The following HPSE2 variants were observed in gnomAD, a reference collection of about 807,000 sequenced individuals.
The protein encoded by HPSE2 is heparanase 2 (inactive), also known as inactive heparanase-2.
A neutral mutation model predicts 60.5 loss-of-function variants in HPSE2; 38 were observed. That is an observed-to-expected ratio of 0.63 (90% confidence interval 0.48 to 0.82). The LOEUF (loss-of-function observed/expected upper bound fraction) is 0.82. Among genes scored for constraint, HPSE2 ranks in the 40% least tolerant of loss-of-function variants. HPSE2 has a pLI of 0.00. For missense variants in HPSE2, 713 were observed against 740.4 expected (o/e 0.96, Z 0.43); for synonymous variants, 295 against 293.2 (o/e 1.01, Z -0.06).
At chr10:99,273,062 A>C in the HPSE2 span, among the ~76,000 whole-genome samples, 1 of 152,250 alleles carries the variant, frequency 6.6e-6, no homozygotes, top group Non-Finnish European at 1.5e-5. Context: ...TGTGGTATAT[A>C]TCTACCATGG....
intron 2 of HPSE2, among the ~76,000 whole-genome samples, chr10:99,173,671 C>T (rs1227519729): frequency 7.9e-5 from 12 of 152,088 alleles, no homozygotes; most frequent in South Asian, 2.1e-4. Flanking sequence ...AGGCCAGGCG[C>T]GGTGGCTCAA....
At chr10:99,052,121 T>C (rs1958005420) in intron 3 of HPSE2, among the ~76,000 whole-genome samples, 1 of 151,754 alleles carries the variant, frequency 6.6e-6, no homozygotes, top group African/African-American at 2.4e-5. Context: ...ACACAGACGT[T>C]ACAAATACAG....
At chr10:99,312,155 T>G in the HPSE2 span, among the ~76,000 whole-genome samples, 1 of 152,188 alleles carries the variant, frequency 6.6e-6, no homozygotes, top group East Asian at 1.9e-4. Flanking sequence ...GATGAAGCAG[T>G]AAGTGCTGGA....
At chr10:99,208,635 T>C (rs762302945) in intron 2 of HPSE2, among the ~76,000 whole-genome samples, 35 of 150,778 alleles carry the variant, frequency 2.3e-4, no homozygotes, top group African/African-American at 7.5e-4. Context: ...CAGTCAGCCA[T>C]GATTACACCA....
chr10:99,235,501 C>T lies in HPSE2; in HGVS notation c.290+12G>A, dbSNP rs765282089. On this transcript the variant is annotated intron_variant, in intron 1 of 11. Coordinates refer to ENST00000370552, the MANE Select transcript of HPSE2 (RefSeq NM_021828.5). ...AAAAATTTTAAATGATCCATCGAAA[C>T]CCCTGCCTTACCTTAGGAAATCGAG... 1.5e-5 allele frequency: 25 copies of T among 1,613,802 alleles called. No individual in the cohort carries two copies. The South Asian group carries it at 2.4e-4, about 16-fold the overall frequency.
chr10:98,978,232 G>A (rs1386187567), intron 3 of HPSE2, among the ~76,000 whole-genome samples: 1 of 151,988 alleles, frequency 6.6e-6, no homozygotes, highest in Admixed American at 6.6e-5. Flanking sequence ...GGGCATAGGA[G>A]ATAAATTTTT....
intron 3 of HPSE2, among the ~76,000 whole-genome samples, chr10:98,814,683 G>C (rs1477803381): frequency 1.3e-5 from 2 of 152,144 alleles, no homozygotes; most frequent in African/African-American, 4.8e-5. Flanking sequence ...TGTTATTTGG[G>C]CAACTTCAAG....
chr10:98,590,086 T>C (rs967324102), intron 9 of HPSE2, among the ~76,000 whole-genome samples: 2 of 145,156 alleles, frequency 1.4e-5, no homozygotes, highest in Non-Finnish European at 2.9e-5. Context: ...AACAGAAAAG[T>C]AAGAGAGTAA....
intron 3 of HPSE2, among the ~76,000 whole-genome samples, chr10:99,040,785 T>C (rs556087041): frequency 6.6e-6 from 1 of 152,286 alleles, no homozygotes; most frequent in African/African-American, 2.4e-5. Flanking sequence ...TAAATTTACA[T>C]TCTTAAAATT....
chr10:98,944,800 T>C (rs1955130851), intron 3 of HPSE2, among the ~76,000 whole-genome samples: 1 of 152,140 alleles, frequency 6.6e-6, no homozygotes, highest in Admixed American at 6.5e-5. Context: ...GCTTCCAGTT[T>C]CTCCATCCTT....
intron 4 of HPSE2, among the ~76,000 whole-genome samples, chr10:98,728,951 G>C (rs1949159052): frequency 6.6e-6 from 1 of 152,162 alleles, no homozygotes; most frequent in African/African-American, 2.4e-5. Context: ...TGAGGCTACA[G>C]TTGGCTGTAG....
intron 6 of HPSE2, among the ~76,000 whole-genome samples, chr10:98,690,010 G>T (rs1423197579): frequency 6.6e-6 from 1 of 152,140 alleles, no homozygotes; most frequent in Non-Finnish European, 1.5e-5. Context: ...ACTTCCAGCT[G>T]TTTCTTTTCA....
Position 98,705,761 on chromosome 10 carries a change from G to T in HPSE2, c.957-11814C>A, listed in dbSNP as rs188467760. On this transcript the variant is annotated intron_variant, in intron 5 of 11. Coordinates refer to ENST00000370552, the MANE Select transcript of HPSE2 (RefSeq NM_021828.5). ...CACACACTGGGTCCAGTCGCGGGGTGGGGGAGCGAGGAGAGGGAGAGCATT... is the reference window on the plus strand; with the variant it reads ...CACACACTGGGTCCAGTCGCGGGGTTGGGGAGCGAGGAGAGGGAGAGCATT... Among the ~76,000 whole-genome samples the T allele has an allele frequency of 2.1e-3, 321 of 152,154 alleles. 1 individual carries two copies. Among genetic ancestry groups the T allele is most frequent in the Middle Eastern group, 0.014 (4 of 294 alleles).
At chr10:98,730,793 A>G (rs1653794800) in intron 4 of HPSE2, among the ~76,000 whole-genome samples, 1 of 152,254 alleles carries the variant, frequency 6.6e-6, no homozygotes, top group South Asian at 2.1e-4. Context: ...ACATAACAAC[A>G]ACGAAAACCC....
intron 3 of HPSE2, among the ~76,000 whole-genome samples, chr10:99,067,769 TC>T (rs1842661735): frequency 6.6e-6 from 1 of 152,230 alleles, no homozygotes; most frequent in Admixed American, 6.5e-5. Context: ...GGAGACATTT[TC>T]CCCATTGTCT....
At chr10:98,663,398 A>G (rs1325403312) in intron 6 of HPSE2, among the ~76,000 whole-genome samples, 1 of 152,212 alleles carries the variant, frequency 6.6e-6, no homozygotes, top group African/African-American at 2.4e-5. Flanking sequence ...TAAGAAAAAA[A>G]ATAGGGCTAG....
intron 9 of HPSE2, among the ~76,000 whole-genome samples, chr10:98,567,597 G>C (rs1944382173): frequency 6.6e-6 from 1 of 152,190 alleles, no homozygotes; most frequent in South Asian, 2.1e-4. Flanking sequence ...GATGGGAAAA[G>C]AGTCTGAAAT....
intron 3 of HPSE2, among the ~76,000 whole-genome samples, chr10:98,822,335 T>G (rs192154087): frequency 6.6e-6 from 1 of 152,270 alleles, no homozygotes; most frequent in Admixed American, 6.5e-5. Context: ...TAGTTAAAAT[T>G]TGTAAGATAT....
At chr10:98,620,935 A>C (rs71486171) in intron 7 of HPSE2, among the ~76,000 whole-genome samples, 1 of 152,172 alleles carries the variant, frequency 6.6e-6, no homozygotes, top group Non-Finnish European at 1.5e-5. Context: ...ATTTTTCCCT[A>C]AGTAAACCCA....
Sources: gnomAD v4.1 joint callset for allele counts (sites outside exome capture counted in the v4.1 genomes callset) on GRCh38, gnomAD v4.1.1 for gene constraint, MANE v1.5 for transcripts, NCBI Gene and HGNC (gene_info 2026-07-23, HGNC 2026-07-21) for gene names.